Variants in HMCN1 observed in about 807,000 individuals in gnomAD.
The protein encoded by HMCN1 is hemicentin 1.
HMCN1 carries 321 observed loss-of-function variants against 625.9 expected under a neutral mutation model. The ratio of observed to expected loss-of-function variants is 0.51; its 90% CI spans 0.47 to 0.56. The LOEUF is 0.56. HMCN1 is among the 20% of genes least tolerant of loss of function. The pLI, the probability that HMCN1 is intolerant of heterozygous loss-of-function variation, is 0.00. For synonymous variants in HMCN1, 2,425 were observed against 2,417.6 expected, an observed-to-expected ratio of 1.00 and a Z score of -0.09; for missense variants, 6,588 against 6,887.3, an observed-to-expected ratio of 0.96 and a Z score of 1.54.
At chr1:185,952,172 C>A (rs933130074) in intron 11 of HMCN1, among the ~76,000 whole-genome samples, 2 of 151,802 alleles carry the variant, frequency 1.3e-5, no homozygotes, top group Admixed American at 6.6e-5. Flanking sequence ...TTAACCTTGA[C>A]TATGCCTTTA....
intron 1 of HMCN1, among the ~76,000 whole-genome samples, chr1:185,829,264 C>T: frequency 6.6e-6 from 1 of 151,786 alleles, no homozygotes; most frequent in South Asian, 2.1e-4. Context: ...ACCTGTAACC[C>T]CAGTACTTTG....
chr1:185,771,869 A>G (rs1484580401), intron 1 of HMCN1, among the ~76,000 whole-genome samples: 1 of 152,168 alleles, frequency 6.6e-6, no homozygotes, highest in Non-Finnish European at 1.5e-5. Flanking sequence ...AATTTGATAC[A>G]TTACGTGCTT....
At chr1:186,132,191 C>CATATGTAGG in intron 85 of HMCN1, 137 bp from the exon 86 acceptor site, 1 of 712,084 alleles carries the variant, frequency 1.4e-6, no homozygotes, top group Middle Eastern at 2.4e-4. Flanking sequence ...AGAGGTTAGA[C>CATATGTAGG]ATATGTAGGT....
intron 1 of HMCN1, among the ~76,000 whole-genome samples, chr1:185,787,127 A>G (rs1657646873): frequency 6.7e-6 from 1 of 148,750 alleles, no homozygotes; most frequent in Non-Finnish European, 1.5e-5. Flanking sequence ...AAATTGTATG[A>G]AGCGCCATGA....
intron 22 of HMCN1, among the ~76,000 whole-genome samples, chr1:185,992,366 A>T (rs892520492): frequency 2.2e-4 from 33 of 152,086 alleles, no homozygotes; most frequent in Non-Finnish European, 1.9e-4. Context: ...GTTTAATTCT[A>T]ATATTTTAAG....
At chr1:185,736,190 G>A (rs540118963) in intron 1 of HMCN1, among the ~76,000 whole-genome samples, 8 of 152,028 alleles carry the variant, frequency 5.3e-5, no homozygotes, top group South Asian at 2.1e-4. Flanking sequence ...TAGAACTCTC[G>A]GATTTTCATG....
intron 105 of HMCN1, among the ~76,000 whole-genome samples, chr1:186,184,209 T>G (rs151309623): frequency 6.6e-6 from 1 of 152,214 alleles, no homozygotes; most frequent in Non-Finnish European, 1.5e-5. Flanking sequence ...CATATTTTTG[T>G]GGTTTTAAAA....
At chr1:185,917,099 C>T (rs1666745155) in intron 6 of HMCN1, among the ~76,000 whole-genome samples, 1 of 152,056 alleles carries the variant, frequency 6.6e-6, no homozygotes, top group Non-Finnish European at 1.5e-5. Flanking sequence ...GCTCTGTGTT[C>T]AGCAACATCA....
At position 186,174,523 on chromosome 1, in the gene HMCN1, A is replaced by T. The variant is rs1652437843; in HGVS notation, c.15824A>T (p.Glu5275Val). 1 of 1,613,776 alleles carries T rather than the reference A, an allele frequency of 6.2e-7. No homozygotes were observed. Among genetic ancestry groups the T allele is most frequent in the Non-Finnish European group, 8.5e-7 (1 of 1,179,804 alleles). Residue 5275 changes from glutamate to valine, a missense_variant, in exon 103 of 107, where the codon GAA becomes GTA. Physicochemically the swap from Glu to Val is moderately radical, Grantham distance 121. This residue lies in a region of HMCN1 where 1,954 missense variants were observed against 2,013.1 expected (regional missense o/e 0.97). Transcript: ENST00000271588. The part of the protein sequence containing the change: ...AENGTCIDID[E>V]CKDGTHQCRY... Reference sequence around the variant, plus strand: ...GCCTCCATGTCTGTAGATATTGATGAATGTAAAGATGGGACCCATCAGTGC... The same window carrying T: ...GCCTCCATGTCTGTAGATATTGATGTATGTAAAGATGGGACCCATCAGTGC...
At chr1:185,766,016 C>T (rs1655847887) in intron 1 of HMCN1, among the ~76,000 whole-genome samples, 1 of 152,066 alleles carries the variant, frequency 6.6e-6, no homozygotes, top group Non-Finnish European at 1.5e-5. Flanking sequence ...TTATGACTAC[C>T]TCCAGGTATT....
In HMCN1 at chr1:186,151,318, T is replaced by C; in HGVS notation, c.14727T>C (p.Arg4909=). ...DSPNSDTRII[R]AKITNVPRSL... is the part of the protein sequence containing the mutation. ...CTAACTCTGATACTAGAATAATACG[T>C]GCCAAAATTACCAATGTACCTCGTA... Residue 4909 remains arginine (R), a synonymous_variant, in exon 94 of 107, where the codon CGT becomes CGC. Transcript: ENST00000271588. 6.2e-7 allele frequency: 1 copy of C among 1,613,808 alleles called. No individual in the cohort carries two copies.
intron 10 of HMCN1, among the ~76,000 whole-genome samples, chr1:185,931,167 G>A (rs1392308807): frequency 1.3e-5 from 2 of 152,138 alleles, no homozygotes; most frequent in South Asian, 4.1e-4. Flanking sequence ...GTAATAAGAT[G>A]TAGGTTCCTG....
intron 55 of HMCN1, among the ~76,000 whole-genome samples, chr1:186,078,687 G>A (rs1658975951): frequency 6.6e-6 from 1 of 152,098 alleles, no homozygotes; most frequent in African/African-American, 2.4e-5. Flanking sequence ...ATTTACAATT[G>A]AAGCCCTAGA....
intron 4 of HMCN1, among the ~76,000 whole-genome samples, chr1:185,871,221 T>C (rs1472168564): frequency 3.0e-5 from 4 of 132,344 alleles, no homozygotes; most frequent in African/African-American, 1.2e-4. Flanking sequence ...AGAGAGAGAC[T>C]CCGTCTCAAA....
intron 8 of HMCN1, among the ~76,000 whole-genome samples, chr1:185,923,956 T>G (rs1327679326): frequency 6.6e-6 from 1 of 152,216 alleles, no homozygotes; most frequent in Non-Finnish European, 1.5e-5. Flanking sequence ...CAGATATATT[T>G]GCTTAAACTA....
At chr1:186,183,389 C>T (rs911588764) in intron 105 of HMCN1, among the ~76,000 whole-genome samples, 9 of 152,304 alleles carry the variant, frequency 5.9e-5, no homozygotes, top group African/African-American at 1.9e-4. Context: ...TACTCATTCA[C>T]ACTCCCTGAG....
chr1:186,145,999 A>G (rs902234660), intron 93 of HMCN1, 76 bp downstream of exon 93: 1 of 1,441,522 alleles, frequency 6.9e-7, no homozygotes, highest in African/African-American at 1.4e-5. Context: ...ACAAATTACA[A>G]AACAATGCCA....
At chr1:185,816,088 C>A (rs1156279986) in intron 1 of HMCN1, among the ~76,000 whole-genome samples, 1 of 140,798 alleles carries the variant, frequency 7.1e-6, no homozygotes, top group Admixed American at 6.8e-5. Flanking sequence ...TTGCCTTAGC[C>A]AGAAAAATTC....
intron 30 of HMCN1, among the ~76,000 whole-genome samples, chr1:186,009,747 GA>G (rs762717873): frequency 3.3e-5 from 5 of 152,108 alleles, no homozygotes; most frequent in African/African-American, 7.2e-5. Flanking sequence ...GTCAAACAGG[GA>G]AAAAAGTAAA....
Sources: allele counts gnomAD v4.1 joint callset (sites outside exome capture counted in the v4.1 genomes callset), GRCh38; gene constraint gnomAD v4.1.1; regional missense constraint gnomAD v4.1.1; transcripts MANE v1.5; gene names NCBI Gene and HGNC (gene_info 2026-07-23, HGNC 2026-07-21).